NTM: variants seen among roughly 807,000 people sequenced by gnomAD.
The protein encoded by NTM is IgLON family member 2.
In NTM, 13 loss-of-function variants were observed where a neutral mutation model predicts 42.1. The observed-to-expected ratio is 0.31, with a 90% CI of 0.20 to 0.49. The LOEUF (loss-of-function observed/expected upper bound fraction) is 0.49, where lower values mean the gene tolerates loss of function less well. Ranked by LOEUF, NTM falls within the 20% of genes least tolerant of loss-of-function variation. NTM has a pLI of 0.99. For missense variants in NTM, 373 were observed against 452.8 expected, an observed-to-expected ratio of 0.82 and a Z score of 1.60; for synonymous variants, 187 against 179.2, an observed-to-expected ratio of 1.04 and a Z score of -0.35.
Position 131,564,115 on chromosome 11 carries a change from A to T in NTM, c.82+193227A>T, listed in dbSNP as rs148080965. ...GCAAGGCTTTCTCTGCCAGTGGTTT[A>T]TGCCCCTTGATTCCTGCAGGTTCTT... On this transcript the variant is annotated intron_variant, in intron 1 of 8. Transcript: ENST00000683400. Among the ~76,000 whole-genome samples, 368 of 152,292 alleles carry T rather than the reference A, an allele frequency of 2.4e-3. 1 individual carries two copies. Among genetic ancestry groups the T allele is most frequent in the South Asian group, 0.011 (54 of 4,824 alleles).
At chr11:131,743,835 G>A (rs2081474227) in intron 1 of NTM, among the ~76,000 whole-genome samples, 1 of 152,162 alleles carries the variant, frequency 6.6e-6, no homozygotes, top group African/African-American at 2.4e-5. Context: ...TGGGAGAAGA[G>A]CTATTGTATC....
chr11:132,068,261 A>T (rs1272308209), intron 2 of NTM, among the ~76,000 whole-genome samples: 3 of 152,208 alleles, frequency 2.0e-5, no homozygotes, highest in Non-Finnish European at 4.4e-5. Flanking sequence ...TCTTTCCTCA[A>T]TTAATCTATT....
intron 1 of NTM, among the ~76,000 whole-genome samples, chr11:131,604,176 T>C (rs1390173592): frequency 6.6e-6 from 1 of 152,214 alleles, no homozygotes; most frequent in Non-Finnish European, 1.5e-5. Flanking sequence ...CTTCGAATCC[T>C]CCTCAATCCT....
chr11:131,591,621 A>G (rs887848774), intron 1 of NTM, among the ~76,000 whole-genome samples: 4 of 152,214 alleles, frequency 2.6e-5, no homozygotes, highest in African/African-American at 9.6e-5. Context: ...CGAAAGGGTC[A>G]CTGATAAAGA....
intron 2 of NTM, among the ~76,000 whole-genome samples, chr11:132,135,862 G>A (rs1308117465): frequency 6.6e-6 from 1 of 152,188 alleles, no homozygotes; most frequent in Non-Finnish European, 1.5e-5. Context: ...CGAGGTGAGG[G>A]AGGGCTCTGG....
chr11:131,485,426 G>A (rs1224929258), intron 1 of NTM, among the ~76,000 whole-genome samples: 1 of 152,160 alleles, frequency 6.6e-6, no homozygotes, highest in Non-Finnish European at 1.5e-5. Flanking sequence ...TGTGTGAGGG[G>A]TGGGACTCCC....
chr11:132,193,244 A>C (rs2138299890), intron 3 of NTM, among the ~76,000 whole-genome samples: 1 of 152,274 alleles, frequency 6.6e-6, no homozygotes, highest in East Asian at 1.9e-4. Flanking sequence ...AAGATCAACC[A>C]CACACTAAAC....
chr11:132,326,521 C>G (rs1004881923), intron 7 of NTM, among the ~76,000 whole-genome samples: 1 of 152,226 alleles, frequency 6.6e-6, no homozygotes, highest in Non-Finnish European at 1.5e-5. Context: ...AGCTGGGCTG[C>G]TCACTTCTCT....
At chr11:132,308,014 G>A (rs1369803060) in intron 5 of NTM, among the ~76,000 whole-genome samples, 191 bp downstream of exon 5, 1 of 152,230 alleles carries the variant, frequency 6.6e-6, no homozygotes, top group African/African-American at 2.4e-5. Flanking sequence ...GTGTCACAGT[G>A]TCACGCTGAA....
chr11:131,981,991 G>A (rs980761209), intron 2 of NTM, among the ~76,000 whole-genome samples: 9 of 151,922 alleles, frequency 5.9e-5, no homozygotes, highest in African/African-American at 1.9e-4. Context: ...CAGCCTGGGT[G>A]ACAGAGCGGG....
At chr11:131,791,502 T>G (rs1321564237) in intron 1 of NTM, among the ~76,000 whole-genome samples, 2 of 152,192 alleles carry the variant, frequency 1.3e-5, no homozygotes, top group Non-Finnish European at 2.9e-5. Flanking sequence ...TGAATACAAC[T>G]ATGTAACTAC....
intron 2 of NTM, among the ~76,000 whole-genome samples, chr11:132,111,063 C>CAAAAAAAAAAAA (rs57458373): frequency 1.7e-4 from 6 of 35,466 alleles, no homozygotes; most frequent in African/African-American, 4.8e-4. Context: ...GGCCCTATCT[C>CAAAAAAAAAAAA]AAAAAAAAAA....
chr11:131,691,246 C>T lies in NTM; in HGVS notation c.83-220318C>T, dbSNP rs573188621. On this transcript the variant is annotated intron_variant, in intron 1 of 8. Transcript: ENST00000683400. ...GGCGGTTCCTTCAGTCCTTGACCTT[C>T]GCAGAACGTAGTTCAGATCCTCAGG... 2.6e-5 allele frequency among the ~76,000 whole-genome samples: 4 copies of T among 152,326 alleles called. No individual in the cohort carries two copies. In the East Asian group the frequency reaches 7.7e-4, roughly 29 times the overall value.
chr11:132,198,517 T>A (rs970102146), intron 3 of NTM, among the ~76,000 whole-genome samples: 2 of 152,166 alleles, frequency 1.3e-5, no homozygotes, highest in African/African-American at 4.8e-5. Flanking sequence ...ATGTATTGAA[T>A]ACGACTAAAC....
intron 1 of NTM, among the ~76,000 whole-genome samples, chr11:131,732,109 C>T (rs2135493819): frequency 6.6e-6 from 1 of 152,240 alleles, no homozygotes; most frequent in East Asian, 1.9e-4. Context: ...AATTAAAGAA[C>T]CTGTTTTATA....
intron 1 of NTM, among the ~76,000 whole-genome samples, chr11:131,501,889 G>T (rs1423777773): frequency 6.6e-6 from 1 of 152,024 alleles, no homozygotes; most frequent in Non-Finnish European, 1.5e-5. Flanking sequence ...GTGTGTGTGT[G>T]TGTGTGCACA....
chr11:131,832,469 C>A (rs190054967), intron 1 of NTM, among the ~76,000 whole-genome samples: 1 of 152,174 alleles, frequency 6.6e-6, no homozygotes, highest in Admixed American at 6.5e-5. Context: ...GACTCACTAG[C>A]AGTCAAGAAT....
intron 1 of NTM, among the ~76,000 whole-genome samples, chr11:131,754,427 C>T (rs1376135498): frequency 6.6e-6 from 1 of 152,090 alleles, no homozygotes; most frequent in African/African-American, 2.4e-5. Flanking sequence ...GAGTTCGAGA[C>T]CAGCCTGGCC....
intron 1 of NTM, among the ~76,000 whole-genome samples, chr11:131,571,504 C>G (rs1368234251): frequency 6.6e-6 from 1 of 152,134 alleles, no homozygotes; most frequent in Non-Finnish European, 1.5e-5. Flanking sequence ...CATGACAGGC[C>G]AGCAAAGATG....
Sources: allele counts gnomAD v4.1 joint callset (sites outside exome capture counted in the v4.1 genomes callset), GRCh38; gene constraint gnomAD v4.1.1; transcripts MANE v1.5; gene names NCBI Gene and HGNC (gene_info 2026-07-23, HGNC 2026-07-21).